INSR: variants seen among roughly 807,000 people sequenced by gnomAD.
INSR encodes insulin receptor, also known as IR.
Under a neutral mutation model 142.6 loss-of-function variants are expected in INSR, and 67 were observed. The observed-to-expected ratio is 0.47, with a 90% CI of 0.39 to 0.58. The LOEUF (loss-of-function observed/expected upper bound fraction) is 0.58, where lower values mean the gene tolerates loss of function less well. Ranked by LOEUF, INSR falls within the 20% of genes least tolerant of loss-of-function variation. The pLI is 0.00. For missense variants in INSR, 1,248 were observed against 1,833.2 expected (o/e 0.68, Z 5.83); for synonymous variants, 756 against 743.1 (o/e 1.02, Z -0.28).
intron 1 of INSR, among the ~76,000 whole-genome samples, chr19:7,274,360 A>G (rs1968003678): frequency 6.6e-6 from 1 of 151,738 alleles, no homozygotes; most frequent in Non-Finnish European, 1.5e-5. Flanking sequence ...CCAGCTCCTA[A>G]CAGGACATGG....
intron 9 of INSR, among the ~76,000 whole-genome samples, chr19:7,158,132 C>CTGATACCT (rs1404717724): frequency 6.0e-5 from 9 of 150,732 alleles, no homozygotes; most frequent in African/African-American, 2.2e-4. Flanking sequence ...GGTATCATTC[C>CTGATACCT]TGATACCTGC....
intron 2 of INSR, among the ~76,000 whole-genome samples, chr19:7,242,947 G>A (rs2145154272): frequency 6.6e-6 from 1 of 152,104 alleles, no homozygotes; most frequent in East Asian, 1.9e-4. Flanking sequence ...AGAGAAAAAT[G>A]AGGTTTTGGG....
At chr19:7,128,300 C>T (rs1972693870) in intron 15 of INSR, among the ~76,000 whole-genome samples, 1 of 151,880 alleles carries the variant, frequency 6.6e-6, no homozygotes, top group South Asian at 2.1e-4. Flanking sequence ...GCAACCTCCG[C>T]CACCAGGGTT....
chr19:7,276,265 C>G (rs957874848), intron 1 of INSR, among the ~76,000 whole-genome samples: 1 of 151,912 alleles, frequency 6.6e-6, no homozygotes, highest in African/African-American at 2.4e-5. Context: ...CCTGCCTCAG[C>G]CTCCCAAGTA....
intron 13 of INSR, among the ~76,000 whole-genome samples, chr19:7,140,012 G>C (rs1973030157): frequency 6.6e-6 from 1 of 152,104 alleles, no homozygotes; most frequent in Non-Finnish European, 1.5e-5. Context: ...ATTTTTAGCA[G>C]AGACGGAGTT....
intron 19 of INSR, among the ~76,000 whole-genome samples, chr19:7,121,451 C>G (rs570639273): frequency 5.9e-5 from 9 of 152,196 alleles, no homozygotes; most frequent in African/African-American, 2.2e-4. Flanking sequence ...TCACGCTGCT[C>G]TGGTCCCCTC....
chr19:7,222,336 GAT>G, intron 2 of INSR, among the ~76,000 whole-genome samples: 1 of 146,812 alleles, frequency 6.8e-6, no homozygotes, highest in African/African-American at 2.7e-5. Context: ...TCCTTACTCA[GAT>G]AGAGGTCTGA....
intron 1 of INSR, among the ~76,000 whole-genome samples, chr19:7,283,697 C>T (rs1019406129): frequency 6.6e-6 from 1 of 152,168 alleles, no homozygotes; most frequent in African/African-American, 2.4e-5. Flanking sequence ...GCCTCGGCCT[C>T]CCAAAGTGCT....
intron 2 of INSR, among the ~76,000 whole-genome samples, chr19:7,200,500 G>A (rs1045986407): frequency 1.3e-5 from 2 of 151,914 alleles, no homozygotes; most frequent in Non-Finnish European, 2.9e-5. Context: ...GACCAGCCTG[G>A]GCAACAGAGC....
chr19:7,172,474 A>G (rs1974040518), intron 4 of INSR, 40 bp from the exon 5 acceptor site: 1 of 1,603,388 alleles, frequency 6.2e-7, no homozygotes, highest in East Asian at 2.2e-5. Context: ...TTCTATAGAC[A>G]TATTTCAATC....
intron 4 of INSR, among the ~76,000 whole-genome samples, chr19:7,172,878 C>CAA (rs61587971): frequency 0.32 from 45,191 of 142,898 alleles, 7,583 homozygotes; most frequent in African/African-American, 0.44. Flanking sequence ...ACTAAAACTA[C>CAA]AAAAAAAAAA....
At chr19:7,185,712 G>A (rs1220137380) in intron 2 of INSR, among the ~76,000 whole-genome samples, 1 of 150,950 alleles carries the variant, frequency 6.6e-6, no homozygotes, top group East Asian at 1.9e-4. Flanking sequence ...GTGTGCTGGT[G>A]CATGCCTGTA....
intron 5 of INSR, 96 bp downstream of exon 5, chr19:7,172,194 C>T: frequency 7.4e-7 from 1 of 1,344,716 alleles, no homozygotes. Flanking sequence ...TTACAGGCAT[C>T]AGCCACCACA....
chr19:7,273,527 T>C (rs1967981229), intron 1 of INSR, among the ~76,000 whole-genome samples: 1 of 151,416 alleles, frequency 6.6e-6, no homozygotes, highest in African/African-American at 2.4e-5. Context: ...TTTTTTTTTT[T>C]CTTTAATTGA....
intron 2 of INSR, among the ~76,000 whole-genome samples, chr19:7,223,206 C>G (rs942769711): frequency 6.6e-6 from 1 of 151,978 alleles, no homozygotes; most frequent in South Asian, 2.1e-4. Flanking sequence ...CAAAAAAAAC[C>G]AACTGGCTAA....
intron 13 of INSR, among the ~76,000 whole-genome samples, chr19:7,133,485 G>A (rs1002172229): frequency 1.3e-5 from 2 of 152,192 alleles, no homozygotes; most frequent in Non-Finnish European, 2.9e-5. Flanking sequence ...CAGAGCAGTG[G>A]ATTCCTAGAA....
At chr19:7,131,498 C>T (rs994644748) in intron 14 of INSR, among the ~76,000 whole-genome samples, 2 of 151,210 alleles carry the variant, frequency 1.3e-5, no homozygotes, top group African/African-American at 4.9e-5. Context: ...CGCCCGCCAC[C>T]ATGCCTGGCT....
chr19:7,207,754 T>C (rs373867236), intron 2 of INSR, among the ~76,000 whole-genome samples: 1 of 151,896 alleles, frequency 6.6e-6, no homozygotes, highest in Non-Finnish European at 1.5e-5. Context: ...AAGACCCATC[T>C]CTACAAACAA....
chr19:7,287,693 T>C (rs1968378983), intron 1 of INSR, among the ~76,000 whole-genome samples: 1 of 152,196 alleles, frequency 6.6e-6, no homozygotes, highest in Non-Finnish European at 1.5e-5. Context: ...TGACACACGT[T>C]TCTTTAACAT....
Sources: allele counts gnomAD v4.1 joint callset (sites outside exome capture counted in the v4.1 genomes callset), GRCh38; gene constraint gnomAD v4.1.1; transcripts MANE v1.5; gene names NCBI Gene and HGNC (gene_info 2026-07-23, HGNC 2026-07-21).